The following DLGAP2 variants were observed in gnomAD, a reference collection of about 807,000 sequenced individuals.
DLGAP2 encodes the protein DLG associated protein 2.
DLGAP2 carries 26 observed loss-of-function variants against 100.3 expected under a neutral mutation model. The ratio of observed to expected loss-of-function variants is 0.26; its 90% CI spans 0.19 to 0.36. The LOEUF (loss-of-function observed/expected upper bound fraction) is 0.36, where lower values mean the gene tolerates loss of function less well. Ranked by LOEUF, DLGAP2 falls within the 10% of genes least tolerant of loss-of-function variation. DLGAP2 has a pLI of 1.00. For synonymous variants in DLGAP2, 886 were observed against 630.1 expected (o/e 1.41, Z -6.08); for missense variants, 1,858 against 1,453.2 (o/e 1.28, Z -4.53).
At chr8:882,679 G>A (rs1250155668) in intron 1 of DLGAP2, among the ~76,000 whole-genome samples, 3 of 107,134 alleles carry the variant, frequency 2.8e-5, no homozygotes, top group Non-Finnish European at 5.5e-5. Context: ...TCCCCTGCGC[G>A]CACCCTCGCC....
Position 1,463,883 on chromosome 8 carries a change from C to T in DLGAP2, c.107-37483C>T, listed in dbSNP as rs375148937. On this transcript the variant is annotated intron_variant, in intron 3 of 14. Coordinates refer to ENST00000637795, the MANE Select transcript of DLGAP2 (RefSeq NM_001346810.2). ...CTGGGGTTTTCTTTCCATCTTGTGA[C>T]CTGGGCCTTCCAGGGAGCTGCACGC... is the stretch of plus-strand genomic sequence containing the variant. Among the ~76,000 whole-genome samples, 5 of 152,216 alleles carry T rather than the reference C, an allele frequency of 3.3e-5. No individual in the cohort carries two copies. The East Asian group carries it at 5.8e-4, about 18-fold the overall frequency.
chr8:1,595,817 AG>A (rs1478497286), intron 6 of DLGAP2, among the ~76,000 whole-genome samples: 4 of 151,966 alleles, frequency 2.6e-5, no homozygotes, highest in Non-Finnish European at 5.9e-5. Context: ...GTCTGAACTA[AG>A]TGCTAAATGA....
chr8:1,639,999 C>T (rs1797858785), intron 8 of DLGAP2, among the ~76,000 whole-genome samples: 1 of 152,204 alleles, frequency 6.6e-6, no homozygotes, highest in Non-Finnish European at 1.5e-5. Flanking sequence ...GTCACAGGTT[C>T]TGGGGACTAG....
In DLGAP2 at chr8:1,140,670, C is replaced by T. The variant is rs537792634; in HGVS notation, c.74-118181C>T. On this transcript the variant is annotated intron_variant, in intron 2 of 14. Coordinates refer to ENST00000637795, the MANE Select transcript of DLGAP2 (RefSeq NM_001346810.2). ...CTCCTGTAGTTCTTGCCACCTTGTT[C>T]TTTTTAAATTCCCTGCCTTGGCCGG... is the stretch of plus-strand genomic sequence containing the variant. Among the ~76,000 whole-genome samples the T allele has an allele frequency of 7.9e-5, 12 of 152,272 alleles. No individual in the cohort carries two copies. The South Asian group carries it at 8.3e-4, about 11-fold the overall frequency.
intron 2 of DLGAP2, among the ~76,000 whole-genome samples, chr8:998,689 A>G (rs1800856578): frequency 1.3e-5 from 2 of 151,994 alleles, no homozygotes; most frequent in Admixed American, 6.6e-5. Context: ...TTGCTTCACG[A>G]TTTCTTCCTA....
chr8:867,442 A>T (rs1797519932), intron 1 of DLGAP2, among the ~76,000 whole-genome samples: 1 of 152,246 alleles, frequency 6.6e-6, no homozygotes, highest in African/African-American at 2.4e-5. Context: ...GGGTTCTAAC[A>T]GGCGCTAATC....
chr8:1,524,330 C>A (rs1800718299), intron 4 of DLGAP2, among the ~76,000 whole-genome samples: 1 of 152,108 alleles, frequency 6.6e-6, no homozygotes, highest in Non-Finnish European at 1.5e-5. Flanking sequence ...CCGGTGCTGA[C>A]TGGGAGGAAG....
At chr8:1,069,580 C>T (rs569078588) in intron 2 of DLGAP2, among the ~76,000 whole-genome samples, 8 of 152,230 alleles carry the variant, frequency 5.3e-5, no homozygotes, top group East Asian at 3.9e-4. Context: ...GTCCCTTCAC[C>T]GTGGAAATTA....
At chr8:1,154,524 G>A (rs56098933) in intron 2 of DLGAP2, among the ~76,000 whole-genome samples, 19,522 of 152,246 alleles carry the variant, frequency 0.13, 1,671 homozygotes, top group Non-Finnish European at 0.19. Context: ...AGAAAACTGA[G>A]AAACTAAATT....
chr8:788,664 G>A (rs929493207), intron 1 of DLGAP2, among the ~76,000 whole-genome samples: 16 of 152,228 alleles, frequency 1.1e-4, no homozygotes, highest in Non-Finnish European at 2.2e-4. Flanking sequence ...AGCCCAGAGC[G>A]GGCAGAAGTC....
chr8:766,002 A>G (rs1000120849), intron 1 of DLGAP2, among the ~76,000 whole-genome samples: 3 of 152,160 alleles, frequency 2.0e-5, no homozygotes, highest in African/African-American at 7.2e-5. Flanking sequence ...CCCAGTCTCT[A>G]CTAAAAATAC....
rs966491359 is a variant in DLGAP2, at chr8:1,294,298, A to G, written c.106+35415A>G. Among the ~76,000 whole-genome samples, 8 of 152,314 alleles carry G rather than the reference A, an allele frequency of 5.3e-5. No homozygotes were observed. The East Asian group carries it at 1.5e-3, about 29-fold the overall frequency. On this transcript the variant is annotated intron_variant, in intron 3 of 14. Transcript: ENST00000637795. ...TTGGGCTGGTAAACATTGTCTTATTAAGGGAAAAAATGCCATGTTCACATT... is the reference window on the plus strand; with the variant it reads ...TTGGGCTGGTAAACATTGTCTTATTGAGGGAAAAAATGCCATGTTCACATT...
At chr8:1,114,587 C>A (rs1182757655) in intron 2 of DLGAP2, among the ~76,000 whole-genome samples, 1 of 151,606 alleles carries the variant, frequency 6.6e-6, no homozygotes, top group South Asian at 2.1e-4. Context: ...GGCCTCCTCT[C>A]TTTTCTTCTT....
At chr8:1,006,689 A>C (rs1801121606) in intron 2 of DLGAP2, among the ~76,000 whole-genome samples, 1 of 110,748 alleles carries the variant, frequency 9.0e-6, no homozygotes, top group African/African-American at 3.8e-5. Flanking sequence ...CCTGCGTCTC[A>C]AGTCTCGGGA....
chr8:799,745 C>T (rs932845543), intron 1 of DLGAP2, among the ~76,000 whole-genome samples: 6 of 152,174 alleles, frequency 3.9e-5, no homozygotes, highest in East Asian at 1.9e-4. Context: ...CATGGGTGCA[C>T]GCCCCCACAT....
chr8:1,437,673 A>G (rs1005109510), intron 3 of DLGAP2, among the ~76,000 whole-genome samples: 3 of 152,052 alleles, frequency 2.0e-5, no homozygotes, highest in African/African-American at 7.2e-5. Flanking sequence ...CAGTTTATAC[A>G]TTAAAAATAA....
chr8:793,306 T>C (rs1434512121), intron 1 of DLGAP2, among the ~76,000 whole-genome samples: 1 of 152,234 alleles, frequency 6.6e-6, no homozygotes, highest in African/African-American at 2.4e-5. Context: ...TTAAAACCGC[T>C]GCCTTCTACC....
chr8:883,026 C>CT (rs1204242821), intron 1 of DLGAP2, among the ~76,000 whole-genome samples: 1 of 152,252 alleles, frequency 6.6e-6, no homozygotes, highest in Non-Finnish European at 1.5e-5. Context: ...CTCTGGTCCT[C>CT]TAACACAATC....
At chr8:927,004 C>A (rs1798830645) in intron 2 of DLGAP2, 2 of 985,074 alleles carry the variant, frequency 2.0e-6, no homozygotes, top group Non-Finnish European at 2.4e-6. Flanking sequence ...AGAGGACCCC[C>A]CGCCGAGAAA....
Sources: allele counts gnomAD v4.1 joint callset (sites outside exome capture counted in the v4.1 genomes callset), GRCh38; gene constraint gnomAD v4.1.1; transcripts MANE v1.5; gene names NCBI Gene and HGNC (gene_info 2026-07-23, HGNC 2026-07-21).